Variants in ICAM1 observed in about 807,000 individuals in gnomAD.
The protein encoded by ICAM1 is intercellular adhesion molecule 1, also known as ICAM-1.
A neutral mutation model predicts 42.3 loss-of-function variants in ICAM1; 28 were observed. The ratio of observed to expected loss-of-function variants is 0.66; its 90% CI spans 0.49 to 0.91. The LOEUF (loss-of-function observed/expected upper bound fraction) is 0.91. Ranked by LOEUF, ICAM1 falls within the 40% of genes least tolerant of loss-of-function variation. ICAM1 has a pLI of 0.00. For missense variants in ICAM1, 637 were observed against 688.6 expected, an observed-to-expected ratio of 0.93 and a Z score of 0.84; for synonymous variants, 304 against 305.9, an observed-to-expected ratio of 0.99 and a Z score of 0.07.
intron 1 of ICAM1, among the ~76,000 whole-genome samples, chr19:10,273,204 T>C (rs1181651806): frequency 6.6e-6 from 1 of 151,380 alleles, no homozygotes; most frequent in African/African-American, 2.4e-5. Flanking sequence ...ACAAAAATGT[T>C]TTTCAGGGCC....
intron 2 of ICAM1, among the ~76,000 whole-genome samples, chr19:10,282,040 C>G (rs114519456): frequency 6.4e-4 from 96 of 150,666 alleles, no homozygotes; most frequent in Non-Finnish European, 1.2e-3. Context: ...CCACACGCAG[C>G]CTTTTTGTTA....
chr19:10,277,221 C>T (rs546448581), intron 2 of ICAM1, among the ~76,000 whole-genome samples: 26 of 152,184 alleles, frequency 1.7e-4, no homozygotes, highest in African/African-American at 6.0e-4. Flanking sequence ...ACTCTTGTTG[C>T]CCAGGCTGGA....
intron 2 of ICAM1, among the ~76,000 whole-genome samples, chr19:10,280,591 C>G (rs913907547): frequency 6.6e-6 from 1 of 151,308 alleles, no homozygotes; most frequent in East Asian, 1.9e-4. Context: ...TGTTTGAGAC[C>G]GGAGTTTCGC....
intron 2 of ICAM1, among the ~76,000 whole-genome samples, chr19:10,276,784 C>T (rs185984728): frequency 2.5e-3 from 380 of 151,288 alleles, no homozygotes; most frequent in Middle Eastern, 7.0e-3. Flanking sequence ...CCAGCCTGAC[C>T]ACCATGGAGA....
At chr19:10,281,104 A>AC (rs1295030998) in intron 2 of ICAM1, among the ~76,000 whole-genome samples, 1 of 146,944 alleles carries the variant, frequency 6.8e-6, no homozygotes, top group East Asian at 2.0e-4. Flanking sequence ...TGATCTCCTG[A>AC]CCTCGTGATC....
In ICAM1 at chr19:10,285,820, TTGAG is replaced by T. The variant is rs1469483616; in HGVS notation, c.*536_*539del. ...CATTTGTTATTTTACCAGCTATTTA[TTGAG>T]TGTCTTTTATGTAGGCTAAATGAAC... On this transcript the variant is annotated 3_prime_UTR_variant, in exon 7 of 7. Transcript: ENST00000264832. 2 of 159,716 alleles carry T rather than the reference TTGAG, an allele frequency of 1.3e-5. No homozygotes were observed. The highest frequency in any genetic ancestry group is 4.8e-5 in the African/African-American group (2 of 41,524). 9.9% of individuals were successfully genotyped at this position (159,716 alleles called of 1,614,324 possible).
In ICAM1 at chr19:10,271,175, C is replaced by T. The variant is rs781040245; in HGVS notation, c.16C>T (p.Pro6Ser). 3 of 1,613,124 alleles carry T rather than the reference C, an allele frequency of 1.9e-6. No individual in the cohort carries two copies. The highest frequency in any genetic ancestry group is 1.1e-5 in the South Asian group (1 of 90,982). MAPSS[P>S]RPALPALLVL... ...CAGCCTCGCTATGGCTCCCAGCAGC[C>T]CCCGGCCCGCGCTGCCCGCACTCCT... Residue 6 changes from proline to serine, a missense_variant, in exon 1 of 7, where the codon CCC (proline) becomes TCC (serine). By Grantham distance (74) the Pro-to-Ser change is moderately conservative. Coordinates refer to ENST00000264832, the MANE Select transcript of ICAM1 (RefSeq NM_000201.3).
chr19:10,272,281 T>C (rs2039987067), intron 1 of ICAM1, among the ~76,000 whole-genome samples: 1 of 152,114 alleles, frequency 6.6e-6, no homozygotes, highest in South Asian at 2.1e-4. Flanking sequence ...CGAGATTCTG[T>C]CTCAAAAAAC....
Position 10,283,681 on chromosome 19 carries a change from G to C in ICAM1, c.532G>C (p.Asp178His). 1 of 1,613,924 alleles carries C rather than the reference G, an allele frequency of 6.2e-7. No individual in the cohort carries two copies. The highest frequency in any genetic ancestry group is 8.5e-7 in the Non-Finnish European group (1 of 1,179,900). ...CACGACCACGGTGCTGGTGAGGAGA[G>C]ATCACCATGGAGCCAATTTCTCGTG... ...EVTTTVLVRR[D>H]HHGANFSCRT... The change falls in exon 3 of 7, where the codon GAT becomes CAT. Residue 178 changes from aspartate to histidine, a missense_variant. Coordinates refer to ENST00000264832, the MANE Select transcript of ICAM1 (RefSeq NM_000201.3).
intron 1 of ICAM1, among the ~76,000 whole-genome samples, chr19:10,273,361 G>A (rs561514882): frequency 4.0e-5 from 6 of 151,660 alleles, no homozygotes; most frequent in African/African-American, 1.2e-4. Context: ...GCGTGGTGGC[G>A]CATGCCTGTA....
Position 10,284,672 on chromosome 19 carries a change from TGGTCAATG to T in ICAM1, c.1180+17_1180+24del, listed in dbSNP as rs1461054807. 1 of 1,613,516 alleles carries T rather than the reference TGGTCAATG, an allele frequency of 6.2e-7. No individual in the cohort carries two copies. Among genetic ancestry groups the T allele is most frequent in the South Asian group, 1.1e-5 (1 of 91,078 alleles). ...TCGTGTCCTGTGTGAGTGGGGCTGCTGGTCAATGGCCCCTATCCCCCAAGGCCCAATCT... is the reference window on the plus strand; with the variant it reads ...TCGTGTCCTGTGTGAGTGGGGCTGCTGCCCCTATCCCCCAAGGCCCAATCT... On this transcript the variant is annotated intron_variant, in intron 5 of 6. Transcript: ENST00000264832. This position sits in a 1 kb window ranked among gnomAD's most constrained non-coding sequence, Gnocchi z 5.4.
At chr19:10,274,503 C>T (rs1378895978) in intron 1 of ICAM1, among the ~76,000 whole-genome samples, 3 of 152,080 alleles carry the variant, frequency 2.0e-5, no homozygotes, top group East Asian at 3.9e-4. Context: ...TTAGTGGAGA[C>T]GGGGCTTTGT....
At chr19:10,274,110 C>T (rs2040001061) in intron 1 of ICAM1, among the ~76,000 whole-genome samples, 1 of 152,070 alleles carries the variant, frequency 6.6e-6, no homozygotes, top group East Asian at 1.9e-4. Flanking sequence ...CTTGCTCACT[C>T]AGCTCCAGCC....
At chr19:10,281,721 CTTTT>C (rs33958632) in intron 2 of ICAM1, among the ~76,000 whole-genome samples, 6 of 106,136 alleles carry the variant, frequency 5.7e-5, no homozygotes, top group African/African-American at 7.3e-5. Context: ...GGTCCTGATG[CTTTT>C]TTTTTTTTTT....
chr19:10,275,066 C>T (rs779493732), intron 2 of ICAM1, 38 bp downstream of exon 2: 3 of 1,602,402 alleles, frequency 1.9e-6, no homozygotes, highest in South Asian at 2.2e-5. Context: ...CTAGGCAGAC[C>T]CGGTGGGAGA....
rs777879275 is a variant in ICAM1 at position 10,283,727 on chromosome 19, G to A, written c.578G>A (p.Arg193Gln). The change falls in exon 3 of 7, where the codon CGG becomes CAG. Residue 193 changes from arginine to glutamine, a missense_variant. Coordinates refer to ENST00000264832, the MANE Select transcript of ICAM1 (RefSeq NM_000201.3). ...TCGTGCCGCACTGAACTGGACCTGC[G>A]GCCCCAAGGGCTGGAGCTGTTTGAG... ...NFSCRTELDL[R>Q]PQGLELFENT... 1.7e-5 allele frequency: 27 copies of A among 1,613,410 alleles called. No individual in the cohort carries two copies. Among genetic ancestry groups the A allele is most frequent in the South Asian group, 1.4e-4 (13 of 90,996 alleles).
At chr19:10,281,683 G>A (rs1232598037) in intron 2 of ICAM1, among the ~76,000 whole-genome samples, 1 of 150,086 alleles carries the variant, frequency 6.7e-6, no homozygotes, top group African/African-American at 2.5e-5. Flanking sequence ...AAAGAAGCAA[G>A]GCTGGGTATC....
In ICAM1 at chr19:10,284,197, G is replaced by A. The variant is rs748922559; in HGVS notation, c.802G>A (p.Asp268Asn). 1.2e-5 allele frequency: 19 copies of A among 1,613,888 alleles called. No individual in the cohort carries two copies. The highest frequency in any genetic ancestry group is 2.2e-5 in the South Asian group (2 of 91,084). The change falls in exon 4 of 7, where the codon GAC becomes AAC. Residue 268 changes from aspartate (D) to asparagine (N), a missense_variant. Asp to Asn is a conservative substitution (Grantham distance 23). Coordinates refer to ENST00000264832, the MANE Select transcript of ICAM1 (RefSeq NM_000201.3). The surrounding 1 kb of genome is among the most constrained non-coding windows in gnomAD (Gnocchi z 5.4). The part of the protein sequence containing the change: ...RLNPTVTYGN[D>N]SFSAKASVSV... ...GAACCCCACAGTCACCTATGGCAAC[G>A]ACTCCTTCTCGGCCAAGGCCTCAGT...
Position 10,283,615 on chromosome 19 carries a change from G to C in ICAM1, c.466G>C (p.Glu156Gln). Residue 156 changes from glutamate (E) to glutamine (Q), a missense_variant, in exon 3 of 7, where the codon GAG (glutamate) becomes CAG (glutamine). By Grantham distance (29) the Glu-to-Gln change is conservative. Coordinates refer to ENST00000264832, the MANE Select transcript of ICAM1 (RefSeq NM_000201.3). ...LTVVLLRGEK[E>Q]LKREPAVGEP... The stretch of plus-strand genomic sequence containing the variant: ...CGTGGTGCTGCTCCGTGGGGAGAAG[G>C]AGCTGAAACGGGAGCCAGCTGTGGG... The C allele has an allele frequency of 6.2e-7, 1 of 1,613,996 alleles. No individual in the cohort carries two copies. Among genetic ancestry groups the C allele is most frequent in the Non-Finnish European group, 8.5e-7 (1 of 1,179,990 alleles).
Sources: gnomAD v4.1 joint callset for allele counts (sites outside exome capture counted in the v4.1 genomes callset) on GRCh38, gnomAD v4.1.1 for gene constraint, Gnocchi (gnomAD v3.1) non-coding constraint, MANE v1.5 for transcripts, NCBI Gene and HGNC (gene_info 2026-07-23, HGNC 2026-07-21) for gene names.